Variants in TPD52L1 observed in about 807,000 individuals in gnomAD.
The protein encoded by TPD52L1 is tumor protein D53.
A neutral mutation model predicts 28.7 loss-of-function variants in TPD52L1; 18 were observed. The observed-to-expected ratio is 0.63, with a 90% CI of 0.43 to 0.93. The LOEUF (loss-of-function observed/expected upper bound fraction) is 0.93, where lower values mean the gene tolerates loss of function less well. Among genes scored for constraint, TPD52L1 ranks in the 40% least tolerant of loss-of-function variants. TPD52L1 has a pLI of 0.00. For synonymous variants in TPD52L1, 75 were observed against 88.8 expected (o/e 0.84, Z 0.88); for missense variants, 203 against 254.8 (o/e 0.80, Z 1.39).
intron 1 of TPD52L1, among the ~76,000 whole-genome samples, chr6:125,218,680 T>C (rs1795037705): frequency 6.6e-6 from 1 of 152,244 alleles, no homozygotes; most frequent in South Asian, 2.1e-4. Context: ...CACAAACTTC[T>C]AGATTGTCTT....
At chr6:125,252,265 G>A (rs1583019487) in intron 4 of TPD52L1, 1 of 485,594 alleles carries the variant, frequency 2.1e-6, no homozygotes, top group East Asian at 3.3e-5. Context: ...TTCACTTGCT[G>A]AGCTCTCTCT....
intron 1 of TPD52L1, among the ~76,000 whole-genome samples, chr6:125,194,586 C>G (rs1489411223): frequency 6.6e-6 from 1 of 152,144 alleles, no homozygotes; most frequent in Non-Finnish European, 1.5e-5. Context: ...TTGGTTCTTT[C>G]AATGTACCTG....
intron 1 of TPD52L1, among the ~76,000 whole-genome samples, chr6:125,170,898 T>C (rs1037144724): frequency 2.0e-5 from 3 of 152,126 alleles, no homozygotes; most frequent in Non-Finnish European, 4.4e-5. Flanking sequence ...TTCTGGTATC[T>C]GAGACTCCAG....
intron 1 of TPD52L1, among the ~76,000 whole-genome samples, chr6:125,184,728 C>G (rs1434441048): frequency 6.6e-6 from 1 of 151,508 alleles, no homozygotes; most frequent in East Asian, 1.9e-4. Context: ...AATGATGGAA[C>G]GTTTACATTA....
intron 2 of TPD52L1, among the ~76,000 whole-genome samples, chr6:125,223,703 C>A (rs1795405027): frequency 2.1e-5 from 2 of 93,480 alleles, no homozygotes; most frequent in Non-Finnish European, 1.9e-5. Context: ...AGTGAGATTC[C>A]ATCTCAAAAA....
chr6:125,190,621 A>T (rs895263201), intron 1 of TPD52L1, among the ~76,000 whole-genome samples: 4 of 152,198 alleles, frequency 2.6e-5, no homozygotes, highest in Non-Finnish European at 5.9e-5. Flanking sequence ...TAATGTAGTC[A>T]GTGGGAGTCC....
At chr6:125,209,928 G>A (rs1794388478) in intron 1 of TPD52L1, among the ~76,000 whole-genome samples, 1 of 152,162 alleles carries the variant, frequency 6.6e-6, no homozygotes, top group African/African-American at 2.4e-5. Flanking sequence ...GTCATGGCAA[G>A]TCATTGAAGA....
chr6:125,172,687 G>A (rs994251477), intron 1 of TPD52L1, among the ~76,000 whole-genome samples: 4 of 136,004 alleles, frequency 2.9e-5, no homozygotes, highest in Non-Finnish European at 6.2e-5. Context: ...TTTCTTCATT[G>A]TCTCTTCCCA....
chr6:125,209,877 C>A (rs1485728164), intron 1 of TPD52L1, among the ~76,000 whole-genome samples: 1 of 152,110 alleles, frequency 6.6e-6, no homozygotes, highest in African/African-American at 2.4e-5. Context: ...CAGATTGGGG[C>A]AACAAATAAT....
chr6:125,154,928 C>T (rs1425628921), intron 1 of TPD52L1, among the ~76,000 whole-genome samples: 1 of 147,618 alleles, frequency 6.8e-6, no homozygotes, highest in African/African-American at 2.7e-5. Context: ...GATAAAATCT[C>T]ATTAAAAAGA....
chr6:125,205,930 T>G lies in TPD52L1; in HGVS notation c.20-14148T>G, dbSNP rs12660935. Among the ~76,000 whole-genome samples, 36 of 152,308 alleles carry G rather than the reference T, an allele frequency of 2.4e-4. No homozygotes were observed. In the East Asian group the frequency reaches 5.8e-3, roughly 24 times the overall value. ...TAGGTTTTGGACAGCCACAAATGTT[T>G]CTTTTGAGACTAGAGTCCATTTTAA... On this transcript the variant is annotated intron_variant, in intron 1 of 6. Transcript: ENST00000534000.
intron 2 of TPD52L1, among the ~76,000 whole-genome samples, chr6:125,225,488 A>C (rs1181239820): frequency 6.6e-6 from 1 of 152,220 alleles, no homozygotes; most frequent in Non-Finnish European, 1.5e-5. Flanking sequence ...CAAAGGTTCC[A>C]ACGCCTCCAC....
chr6:125,260,843 A>G (rs1177276759), intron 6 of TPD52L1, among the ~76,000 whole-genome samples: 1 of 148,112 alleles, frequency 6.8e-6, no homozygotes, highest in East Asian at 2.0e-4. Context: ...AAAGGAAGAG[A>G]AAGAAAGTGA....
chr6:125,221,509 T>C (rs1795228718), intron 2 of TPD52L1, among the ~76,000 whole-genome samples: 1 of 152,256 alleles, frequency 6.6e-6, no homozygotes, highest in Non-Finnish European at 1.5e-5. Context: ...GCACAATGTC[T>C]GTAACTGACC....
At chr6:125,155,826 A>T (rs1366405411) in intron 1 of TPD52L1, among the ~76,000 whole-genome samples, 1 of 152,210 alleles carries the variant, frequency 6.6e-6, no homozygotes, top group African/African-American at 2.4e-5. Context: ...TGTGCGCAGC[A>T]GTCCCATGAG....
chr6:125,209,219 C>G (rs1582931815), intron 1 of TPD52L1, among the ~76,000 whole-genome samples: 1 of 152,318 alleles, frequency 6.6e-6, no homozygotes, highest in South Asian at 2.1e-4. Context: ...GGCCTATGCT[C>G]TCAGGAGGCC....
At chr6:125,245,499 C>T (rs776292044) in intron 3 of TPD52L1, among the ~76,000 whole-genome samples, 6 of 152,144 alleles carry the variant, frequency 3.9e-5, no homozygotes, top group Non-Finnish European at 8.8e-5. Flanking sequence ...TGTTCTGCTA[C>T]CACGGCAGGT....
chr6:125,156,967 A>T (rs1790182464), intron 1 of TPD52L1, among the ~76,000 whole-genome samples: 1 of 152,176 alleles, frequency 6.6e-6, no homozygotes, highest in South Asian at 2.1e-4. Context: ...TTTATAAAGC[A>T]GAGATATTGA....
intron 1 of TPD52L1, among the ~76,000 whole-genome samples, chr6:125,198,025 A>C (rs779937455): frequency 6.6e-6 from 1 of 152,224 alleles, no homozygotes; most frequent in Non-Finnish European, 1.5e-5. Context: ...AGGTCAACAC[A>C]GTCAAAGCCC....
Sources: gnomAD v4.1 joint callset for allele counts (sites outside exome capture counted in the v4.1 genomes callset) on GRCh38, gnomAD v4.1.1 for gene constraint, MANE v1.5 for transcripts, NCBI Gene and HGNC (gene_info 2026-07-23, HGNC 2026-07-21) for gene names.